Variants in STXBP5L observed in about 807,000 individuals in gnomAD.
STXBP5L encodes the protein syntaxin-binding protein 5-like.
Under a neutral mutation model 144.5 loss-of-function variants are expected in STXBP5L, and 65 were observed. That is an observed-to-expected ratio of 0.45 (90% confidence interval 0.37 to 0.55). STXBP5L has a LOEUF of 0.55. STXBP5L is among the 20% of genes least tolerant of loss of function. STXBP5L has a pLI of 0.00. For synonymous variants in STXBP5L, 505 were observed against 469.6 expected, an observed-to-expected ratio of 1.08 and a Z score of -0.97; for missense variants, 1,298 against 1,405.5, an observed-to-expected ratio of 0.92 and a Z score of 1.22.
intron 2 of STXBP5L, among the ~76,000 whole-genome samples, chr3:120,933,776 A>G (rs934895754): frequency 6.6e-6 from 1 of 152,146 alleles, no homozygotes; most frequent in African/African-American, 2.4e-5. Flanking sequence ...AGGAACTATG[A>G]TAGTGGACAA....
intron 14 of STXBP5L, among the ~76,000 whole-genome samples, chr3:121,244,856 GA>G (rs2049791686): frequency 6.6e-6 from 1 of 151,976 alleles, no homozygotes; most frequent in South Asian, 2.1e-4. Flanking sequence ...AAAAATGAAG[GA>G]GCAATAAGAC....
chr3:121,312,256 G>T (rs1382663038), intron 19 of STXBP5L, among the ~76,000 whole-genome samples: 2 of 151,372 alleles, frequency 1.3e-5, no homozygotes, highest in Non-Finnish European at 2.9e-5. Flanking sequence ...GAAAACCTAG[G>T]CATTACCATT....
chr3:120,996,511 C>T (rs936864035), intron 3 of STXBP5L, among the ~76,000 whole-genome samples: 11 of 152,056 alleles, frequency 7.2e-5, no homozygotes, highest in African/African-American at 2.7e-4. Flanking sequence ...AAGTATACAA[C>T]ACAGTATTAG....
At chr3:121,356,766 C>G (rs906127520) in intron 20 of STXBP5L, among the ~76,000 whole-genome samples, 1 of 152,226 alleles carries the variant, frequency 6.6e-6, no homozygotes, top group African/African-American at 2.4e-5. Context: ...CACCCATCTT[C>G]TGTATCAATC....
intron 2 of STXBP5L, among the ~76,000 whole-genome samples, chr3:120,912,433 A>G (rs1708889945): frequency 6.6e-6 from 1 of 151,962 alleles, no homozygotes; most frequent in Non-Finnish European, 1.5e-5. Context: ...AATAAATTAT[A>G]CAGCCAATTG....
chr3:121,223,864 G>A (rs1293116880), intron 11 of STXBP5L, among the ~76,000 whole-genome samples: 2 of 152,060 alleles, frequency 1.3e-5, no homozygotes, highest in African/African-American at 2.4e-5. Flanking sequence ...GAGAGGCCAA[G>A]GCAGGCAGAT....
intron 5 of STXBP5L, among the ~76,000 whole-genome samples, chr3:121,074,056 C>T (rs1311260606): frequency 2.0e-5 from 3 of 152,206 alleles, no homozygotes; most frequent in African/African-American, 7.2e-5. Context: ...CCATGTACTG[C>T]AACAGGACAC....
intron 6 of STXBP5L, among the ~76,000 whole-genome samples, chr3:121,118,810 A>G (rs1345618035): frequency 1.3e-5 from 2 of 151,616 alleles, no homozygotes; most frequent in African/African-American, 4.8e-5. Flanking sequence ...GTTTGCCTTG[A>G]GCAATGGTGT....
chr3:120,956,004 A>G (rs1382453782), intron 3 of STXBP5L, among the ~76,000 whole-genome samples: 2 of 151,970 alleles, frequency 1.3e-5, no homozygotes, highest in Non-Finnish European at 2.9e-5. Context: ...ATAATATTCC[A>G]TGGTATAGAT....
intron 9 of STXBP5L, among the ~76,000 whole-genome samples, chr3:121,186,152 C>T (rs1284041474): frequency 6.6e-6 from 1 of 152,058 alleles, no homozygotes; most frequent in Non-Finnish European, 1.5e-5. Flanking sequence ...GATTTTGTAT[C>T]CTGAGACTTT....
At chr3:120,978,072 C>T (rs544923082) in intron 3 of STXBP5L, among the ~76,000 whole-genome samples, 8 of 152,216 alleles carry the variant, frequency 5.3e-5, no homozygotes, top group Admixed American at 5.2e-4. Flanking sequence ...TCTGTATTTC[C>T]TGAATGTGAA....
intron 22 of STXBP5L, among the ~76,000 whole-genome samples, chr3:121,390,826 T>G (rs1033503679): frequency 6.6e-6 from 1 of 152,080 alleles, no homozygotes; most frequent in African/African-American, 2.4e-5. Context: ...ATTTTTTCCT[T>G]CATTTCAACC....
At chr3:121,347,802 GA>G (rs1471193191) in intron 20 of STXBP5L, among the ~76,000 whole-genome samples, 9 of 152,132 alleles carry the variant, frequency 5.9e-5, no homozygotes, top group African/African-American at 2.2e-4. Flanking sequence ...TTTGCACATT[GA>G]TTTTGTATCC....
At chr3:120,934,738 C>G (rs191239270) in intron 2 of STXBP5L, among the ~76,000 whole-genome samples, 1 of 151,966 alleles carries the variant, frequency 6.6e-6, no homozygotes, top group Admixed American at 6.6e-5. Context: ...TTTATCATTA[C>G]GTAATGTCCA....
chr3:121,209,653 A>G lies in STXBP5L; in HGVS notation c.956+3652A>G, dbSNP rs1192173310. Among the ~76,000 whole-genome samples the G allele has an allele frequency of 7.9e-5, 12 of 152,012 alleles. No homozygotes were observed. The South Asian group carries it at 2.1e-3, about 26-fold the overall frequency. The stretch of plus-strand genomic sequence containing the variant: ...TGTTTCCAAGTGTTCTCATTGTTCA[A>G]TTCCCACCTATGAATGAGAACATGC... On this transcript the variant is annotated intron_variant, in intron 10 of 26. Coordinates refer to ENST00000471454, the MANE Select transcript of STXBP5L (RefSeq NM_001308330.2).
intron 9 of STXBP5L, among the ~76,000 whole-genome samples, chr3:121,202,346 T>C (rs886702003): frequency 6.6e-6 from 1 of 152,156 alleles, no homozygotes; most frequent in African/African-American, 2.4e-5. Context: ...CTTCTTTTTC[T>C]TGTTATTGGC....
intron 3 of STXBP5L, among the ~76,000 whole-genome samples, chr3:121,030,859 C>T (rs1946318006): frequency 6.6e-6 from 1 of 151,964 alleles, no homozygotes; most frequent in Admixed American, 6.6e-5. Context: ...TCAATTAAAG[C>T]AATAGCTCCC....
intron 20 of STXBP5L, among the ~76,000 whole-genome samples, chr3:121,319,052 A>C (rs1311238206): frequency 6.6e-6 from 1 of 152,184 alleles, no homozygotes; most frequent in African/African-American, 2.4e-5. Flanking sequence ...AAAATGTGAG[A>C]ATAAAGATTC....
intron 3 of STXBP5L, among the ~76,000 whole-genome samples, chr3:121,009,989 T>C (rs768578298): frequency 6.6e-6 from 1 of 151,934 alleles, no homozygotes; most frequent in Non-Finnish European, 1.5e-5. Flanking sequence ...CTAGAGGCTA[T>C]GTTGACATGT....
Sources: allele counts gnomAD v4.1 joint callset (sites outside exome capture counted in the v4.1 genomes callset), GRCh38; gene constraint gnomAD v4.1.1; transcripts MANE v1.5; gene names NCBI Gene and HGNC (gene_info 2026-07-23, HGNC 2026-07-21).